The following TANC1 variants were observed in gnomAD, a reference collection of about 807,000 sequenced individuals.
The protein encoded by TANC1 is tetratricopeptide repeat, ankyrin repeat and coiled-coil containing 1.
Under a neutral mutation model 149.7 loss-of-function variants are expected in TANC1, and 77 were observed. That is an observed-to-expected ratio of 0.51 (90% CI 0.43 to 0.62). The LOEUF is 0.62. Ranked by LOEUF, TANC1 falls within the 20% of genes least tolerant of loss-of-function variation. The pLI, the probability that TANC1 is intolerant of heterozygous loss-of-function variation, is 0.00. For missense variants in TANC1, 1,985 were observed against 2,321.8 expected (o/e 0.85, Z 2.98); for synonymous variants, 854 against 925.0 (o/e 0.92, Z 1.39).
chr2:159,211,304 C>G (rs143339603), intron 19 of TANC1, among the ~76,000 whole-genome samples: 1 of 152,380 alleles, frequency 6.6e-6, no homozygotes, highest in Non-Finnish European at 1.5e-5. Context: ...GATTTTACAA[C>G]TAGAAGAAAT....
chr2:158,981,296 GA>G (rs990286222), intron 1 of TANC1, among the ~76,000 whole-genome samples: 5 of 146,572 alleles, frequency 3.4e-5, no homozygotes, highest in Non-Finnish European at 6.0e-5. Flanking sequence ...TATTGAAAGT[GA>G]AAAAAAAATC....
intron 2 of TANC1, among the ~76,000 whole-genome samples, chr2:159,025,887 C>T (rs576169542): frequency 6.6e-6 from 1 of 152,238 alleles, no homozygotes; most frequent in African/African-American, 2.4e-5. Flanking sequence ...TTATAAATGG[C>T]TTAGGGAACT....
chr2:159,190,535 T>C (rs1390845221), intron 16 of TANC1, among the ~76,000 whole-genome samples: 1 of 152,118 alleles, frequency 6.6e-6, no homozygotes, highest in Non-Finnish European at 1.5e-5. Flanking sequence ...ACTTTTATTA[T>C]TTTATTTTTA....
At chr2:159,119,005 G>A (rs149127692) in intron 4 of TANC1, among the ~76,000 whole-genome samples, 6 of 152,250 alleles carry the variant, frequency 3.9e-5, no homozygotes, top group East Asian at 1.9e-4. Context: ...TGTTAATCAT[G>A]TATTTTCTGG....
intron 8 of TANC1, 94 bp downstream of exon 8, chr2:159,163,640 G>A: frequency 1.4e-6 from 2 of 1,445,842 alleles, no homozygotes; most frequent in Non-Finnish European, 1.9e-6. Flanking sequence ...CCAGATACAA[G>A]CCAGCTTCGT....
chr2:159,219,515 C>G (rs2303334), intron 21 of TANC1, 154 bp downstream of exon 21: 569,558 of 1,242,376 alleles, frequency 0.46, 146,073 homozygotes, highest in Non-Finnish European at 0.54. Context: ...AGCCACATGC[C>G]TGGTATTCCT....
chr2:159,176,724 T>C (rs2055895087), intron 13 of TANC1, among the ~76,000 whole-genome samples: 1 of 152,130 alleles, frequency 6.6e-6, no homozygotes, highest in Non-Finnish European at 1.5e-5. Context: ...GTCAGGTAAG[T>C]TTCCTGTTGG....
rs2149913871 is a variant in TANC1, at chr2:159,097,730, A to G, written c.155A>G (p.Tyr52Cys). The G allele has an allele frequency of 6.2e-7, 1 of 1,614,102 alleles. No homozygotes were observed. Among genetic ancestry groups the G allele is most frequent in the Non-Finnish European group, 8.5e-7 (1 of 1,179,988 alleles). The change falls in exon 4 of 27, where the codon TAT (tyrosine) becomes TGT (cysteine). Residue 52 changes from tyrosine to cysteine, a missense_variant. By Grantham distance (194) the Tyr-to-Cys change is radical (BLOSUM62 -2). Coordinates refer to ENST00000263635, the MANE Select transcript of TANC1 (RefSeq NM_033394.3). Reference sequence around the variant, plus strand: ...AGTCTTCCCACAGCAGAGGACACCTATAGGGTGAGCTTGGCCAAAGGTGTC... The same window carrying G: ...AGTCTTCCCACAGCAGAGGACACCTGTAGGGTGAGCTTGGCCAAAGGTGTC... ...VSSLPTAEDT[Y>C]RVSLAKGVSM...
chr2:159,067,569 TG>T (rs2042780504), intron 3 of TANC1, among the ~76,000 whole-genome samples: 2 of 152,258 alleles, frequency 1.3e-5, no homozygotes, highest in African/African-American at 4.8e-5. Context: ...TTCTGAAAGC[TG>T]TTTAAAAATA....
chr2:159,017,760 G>A (rs2038425747), intron 2 of TANC1, among the ~76,000 whole-genome samples: 3 of 151,956 alleles, frequency 2.0e-5, no homozygotes, highest in Admixed American at 6.6e-5. Context: ...TAATGCACGC[G>A]GGACTTCAAA....
chr2:159,016,716 A>C (rs1574136426), intron 2 of TANC1, among the ~76,000 whole-genome samples: 1 of 151,970 alleles, frequency 6.6e-6, no homozygotes. Context: ...CTGGGACTAC[A>C]GGTGCCCCCC....
rs1021740680 is a variant in TANC1 at position 159,223,495 on chromosome 2, G to T, written c.3679-737G>T. Reference sequence around the variant, plus strand: ...TAATCCCTCTAGTTAGTGTCATTTTGAATAATGGGGTGGATGATAGGAAGC... The same window carrying T: ...TAATCCCTCTAGTTAGTGTCATTTTTAATAATGGGGTGGATGATAGGAAGC... On this transcript the variant is annotated intron_variant, in intron 22 of 26. Transcript: ENST00000263635. Among the ~76,000 whole-genome samples, 24 of 152,084 alleles carry T rather than the reference G, an allele frequency of 1.6e-4. 1 individual carries two copies.
intron 4 of TANC1, among the ~76,000 whole-genome samples, chr2:159,111,950 T>C (rs1413157018): frequency 6.6e-6 from 1 of 152,194 alleles, no homozygotes; most frequent in African/African-American, 2.4e-5. Flanking sequence ...GTGTTAACAT[T>C]TGATACAGAA....
chr2:159,029,312 GA>G (rs577654543), intron 2 of TANC1, among the ~76,000 whole-genome samples: 24 of 152,276 alleles, frequency 1.6e-4, no homozygotes, highest in Non-Finnish European at 2.9e-4. Flanking sequence ...ACATGGGAGT[GA>G]AAATAGCTCT....
At chr2:158,977,127 C>T (rs894261893) in intron 1 of TANC1, among the ~76,000 whole-genome samples, 3 of 151,712 alleles carry the variant, frequency 2.0e-5, no homozygotes, top group African/African-American at 7.3e-5. Context: ...AGCTTCAATA[C>T]GTTTTTAAAA....
chr2:159,116,438 A>ACAG lies in TANC1; in HGVS notation c.259+18606_259+18607insGCA, dbSNP rs1316629667. Among the ~76,000 whole-genome samples, 389 of 138,358 alleles carry ACAG rather than the reference A, an allele frequency of 2.8e-3. 3 individuals are homozygous for ACAG. Among genetic ancestry groups the ACAG allele is most frequent in the South Asian group, 0.012 (53 of 4,288 alleles). The allele number at this position is 138,358 out of a possible 152,430, so 90.8% of individuals were successfully genotyped here. ...CAAGACTCAGTCTCAAAAAACAACA[A>ACAG]CAACAACAACAACAACAAAAAAAAA... On this transcript the variant is annotated intron_variant, in intron 4 of 26. Transcript: ENST00000263635.
At chr2:159,211,979 C>A (rs1021692016) in intron 19 of TANC1, among the ~76,000 whole-genome samples, 2 of 152,232 alleles carry the variant, frequency 1.3e-5, no homozygotes, top group Non-Finnish European at 2.9e-5. Flanking sequence ...TCAGTTGCTC[C>A]AACTTGTGGT....
At chr2:159,137,629 C>T (rs1315605553) in intron 5 of TANC1, among the ~76,000 whole-genome samples, 1 of 152,114 alleles carries the variant, frequency 6.6e-6, no homozygotes, top group African/African-American at 2.4e-5. Flanking sequence ...TGTGCGTTCA[C>T]GTGGGCAGGC....
intron 19 of TANC1, among the ~76,000 whole-genome samples, chr2:159,201,934 A>T (rs2058276702): frequency 1.3e-5 from 2 of 152,218 alleles, no homozygotes; most frequent in Non-Finnish European, 2.9e-5. Flanking sequence ...CGTTAGGAGG[A>T]CAGCTACCTG....
Sources: gnomAD v4.1 joint callset for allele counts (sites outside exome capture counted in the v4.1 genomes callset) on GRCh38, gnomAD v4.1.1 for gene constraint, MANE v1.5 for transcripts, NCBI Gene and HGNC (gene_info 2026-07-23, HGNC 2026-07-21) for gene names.